The following KSR2 variants were observed in gnomAD, a reference collection of about 807,000 sequenced individuals.
KSR2 encodes the protein kinase suppressor of ras 2.
Under a neutral mutation model 107.8 loss-of-function variants are expected in KSR2, and 25 were observed. That is an observed-to-expected ratio of 0.23 (90% CI 0.17 to 0.32). The LOEUF is 0.32. Among genes scored for constraint, KSR2 ranks in the 10% least tolerant of loss-of-function variants. KSR2 has a pLI of 1.00. For missense variants in KSR2, 887 were observed against 1,268.9 expected (o/e 0.70, Z 4.57); for synonymous variants, 480 against 507.0 (o/e 0.95, Z 0.71).
intron 3 of KSR2, among the ~76,000 whole-genome samples, chr12:117,830,445 A>G (rs1052877114): frequency 2.0e-5 from 3 of 152,168 alleles, no homozygotes; most frequent in Non-Finnish European, 4.4e-5. Flanking sequence ...CCCAAACCTC[A>G]GTGTCATACA....
chr12:117,719,940 T>C (rs1887140737), intron 4 of KSR2, among the ~76,000 whole-genome samples: 1 of 152,164 alleles, frequency 6.6e-6, no homozygotes, highest in African/African-American at 2.4e-5. Context: ...AATGTCTTTT[T>C]CCAAGTGAAA....
At chr12:117,474,855 C>G (rs1227722987) in intron 17 of KSR2, among the ~76,000 whole-genome samples, 1 of 152,156 alleles carries the variant, frequency 6.6e-6, no homozygotes, top group Non-Finnish European at 1.5e-5. Context: ...CTCACTGTGT[C>G]TAAACCTGAC....
At chr12:117,584,289 G>A (rs1028733929) in intron 5 of KSR2, among the ~76,000 whole-genome samples, 2 of 152,102 alleles carry the variant, frequency 1.3e-5, no homozygotes, top group African/African-American at 4.8e-5. Flanking sequence ...AAATTTTTAA[G>A]AGAGCATTCT....
intron 1 of KSR2, among the ~76,000 whole-genome samples, chr12:117,916,787 C>T (rs982572471): frequency 6.6e-6 from 1 of 152,204 alleles, no homozygotes; most frequent in Non-Finnish European, 1.5e-5. Flanking sequence ...AGAAGCGCCC[C>T]ATTCAAGTTT....
intron 3 of KSR2, among the ~76,000 whole-genome samples, chr12:117,762,871 A>C (rs1889092209): frequency 6.6e-6 from 1 of 151,882 alleles, no homozygotes. Flanking sequence ...TCAGTCTCAA[A>C]AAAAAAAAAA....
At chr12:117,687,246 A>T (rs1188737795) in intron 4 of KSR2, among the ~76,000 whole-genome samples, 1 of 152,196 alleles carries the variant, frequency 6.6e-6, no homozygotes, top group Non-Finnish European at 1.5e-5. Context: ...CAAGTGAGTC[A>T]GTGTGAGCTC....
chr12:117,786,036 G>A (rs1250499049), intron 3 of KSR2, among the ~76,000 whole-genome samples: 1 of 151,930 alleles, frequency 6.6e-6, no homozygotes. Flanking sequence ...TCAAACTGTT[G>A]AAAGCCAAAG....
chr12:117,912,271 C>T (rs1372716065), intron 1 of KSR2, among the ~76,000 whole-genome samples: 1 of 152,192 alleles, frequency 6.6e-6, no homozygotes, highest in African/African-American at 2.4e-5. Context: ...AAAGCTACTT[C>T]ACTGGTATTT....
chr12:117,963,121 C>T (rs1405231743), intron 1 of KSR2, among the ~76,000 whole-genome samples: 1 of 151,538 alleles, frequency 6.6e-6, no homozygotes, highest in Non-Finnish European at 1.5e-5. Flanking sequence ...AACTGGGAAG[C>T]GGAGGTTGCA....
intron 5 of KSR2, among the ~76,000 whole-genome samples, chr12:117,628,609 T>C (rs998057267): frequency 6.6e-6 from 1 of 152,144 alleles, no homozygotes; most frequent in Non-Finnish European, 1.5e-5. Flanking sequence ...ATATGAGATG[T>C]CTGTTGTCCC....
chr12:117,926,430 A>G (rs533234707), intron 1 of KSR2, among the ~76,000 whole-genome samples: 11 of 152,346 alleles, frequency 7.2e-5, no homozygotes, highest in African/African-American at 2.4e-4. Flanking sequence ...GCATCTCTCA[A>G]TTAGGAAGCT....
At chr12:117,639,900 C>T (rs1467358203) in intron 5 of KSR2, among the ~76,000 whole-genome samples, 1 of 152,034 alleles carries the variant, frequency 6.6e-6, no homozygotes, top group African/African-American at 2.4e-5. Context: ...CACCACCTCC[C>T]CGACAGTAGA....
chr12:117,916,223 G>A (rs1446482593), intron 1 of KSR2, among the ~76,000 whole-genome samples: 3 of 129,764 alleles, frequency 2.3e-5, no homozygotes, highest in Non-Finnish European at 4.6e-5. Context: ...TGCAACCCCC[G>A]CCTCCCCAGT....
intron 14 of KSR2, among the ~76,000 whole-genome samples, chr12:117,488,257 G>A (rs905237095): frequency 2.0e-5 from 3 of 152,256 alleles, no homozygotes; most frequent in Non-Finnish European, 4.4e-5. Context: ...TATTAGCAGC[G>A]TGAAAACGGA....
At chr12:117,766,270 T>C (rs1189985825) in intron 3 of KSR2, among the ~76,000 whole-genome samples, 1 of 152,200 alleles carries the variant, frequency 6.6e-6, no homozygotes, top group East Asian at 1.9e-4. Context: ...AAAAACACTA[T>C]GCTAAGTAAA....
At chr12:117,788,757 C>T (rs540976997) in intron 3 of KSR2, among the ~76,000 whole-genome samples, 1 of 152,334 alleles carries the variant, frequency 6.6e-6, no homozygotes, top group African/African-American at 2.4e-5. Flanking sequence ...AAATGATCCA[C>T]CTGCCTTGGC....
At chr12:117,659,442 G>A (rs780424162) in intron 5 of KSR2, among the ~76,000 whole-genome samples, 12 of 152,092 alleles carry the variant, frequency 7.9e-5, no homozygotes, top group South Asian at 2.1e-4. Flanking sequence ...TACAGCTCAC[G>A]TCCGCATGCT....
Position 117,556,571 on chromosome 12 carries a change from C to T in KSR2, c.1394-1278G>A, listed in dbSNP as rs575722251. Among the ~76,000 whole-genome samples, 22 of 152,260 alleles carry T rather than the reference C, an allele frequency of 1.4e-4. No individual in the cohort carries two copies. In the South Asian group the frequency reaches 3.9e-3, roughly 27 times the overall value. ...CAACGATCATCGAAAACCAACTGCC[C>T]GTTGGCTTTGGGACACATCACAGTG... On this transcript the variant is annotated intron_variant, in intron 8 of 19. Coordinates refer to ENST00000339824, the MANE Select transcript of KSR2 (RefSeq NM_173598.6).
rs117959797 is a variant in KSR2 at position 117,470,520 on chromosome 12, A to C, written c.2712+671T>G. Among the ~76,000 whole-genome samples the C allele has an allele frequency of 4.9e-3, 747 of 152,330 alleles. 4 individuals are homozygous for C. Among genetic ancestry groups the C allele is most frequent in the Non-Finnish European group, 8.6e-3 (584 of 68,026 alleles). ...TACACTGAGGTCAACAATACTTCCC[A>C]AACAGTTTCTTGACATTTCTCTCAA... is the stretch of plus-strand genomic sequence containing the variant. On this transcript the variant is annotated intron_variant, in intron 18 of 19. Coordinates refer to ENST00000339824, the MANE Select transcript of KSR2 (RefSeq NM_173598.6).
Sources: allele counts gnomAD v4.1 joint callset (sites outside exome capture counted in the v4.1 genomes callset), GRCh38; gene constraint gnomAD v4.1.1; transcripts MANE v1.5; gene names NCBI Gene and HGNC (gene_info 2026-07-23, HGNC 2026-07-21).